The following MACROD2 variants were observed in gnomAD, a reference collection of about 807,000 sequenced individuals.
MACROD2 encodes the protein mono-ADP ribosylhydrolase 2, also known as ADP-ribose glycohydrolase MACROD2.
A neutral mutation model predicts 70.4 loss-of-function variants in MACROD2; 36 were observed. The ratio of observed to expected loss-of-function variants is 0.51; its 90% CI spans 0.39 to 0.68. MACROD2 has a LOEUF of 0.68. Ranked by LOEUF, MACROD2 falls within the 30% of genes least tolerant of loss-of-function variation. The pLI, the probability that MACROD2 is intolerant of heterozygous loss-of-function variation, is 0.00. For synonymous variants in MACROD2, 172 were observed against 178.8 expected (o/e 0.96, Z 0.30); for missense variants, 496 against 538.4 (o/e 0.92, Z 0.78).
chr20:14,297,573 C>T (rs904368593), intron 3 of MACROD2, among the ~76,000 whole-genome samples: 3 of 151,964 alleles, frequency 2.0e-5, no homozygotes, highest in Admixed American at 6.6e-5. Context: ...AAAGCTACAA[C>T]TCTTCAGTTC....
At chr20:14,844,663 G>C (rs181720101) in intron 5 of MACROD2, among the ~76,000 whole-genome samples, 7 of 152,076 alleles carry the variant, frequency 4.6e-5, no homozygotes, top group Admixed American at 3.3e-4. Flanking sequence ...AGACAAAAGG[G>C]GTACTTCTTT....
chr20:15,038,326 G>T (rs1201739778), intron 5 of MACROD2, among the ~76,000 whole-genome samples: 1 of 152,124 alleles, frequency 6.6e-6, no homozygotes, highest in Non-Finnish European at 1.5e-5. Flanking sequence ...TTCAAGAAAA[G>T]AATATGGAGT....
At chr20:15,462,003 T>G (rs187817284) in intron 7 of MACROD2, among the ~76,000 whole-genome samples, 162 of 152,308 alleles carry the variant, frequency 1.1e-3, no homozygotes, top group African/African-American at 3.8e-3. Context: ...TTAAACATAC[T>G]CACAACTGGT....
intron 3 of MACROD2, among the ~76,000 whole-genome samples, chr20:14,443,911 T>C (rs1226430359): frequency 6.6e-6 from 1 of 152,164 alleles, no homozygotes; most frequent in African/African-American, 2.4e-5. Context: ...GCACATTGCC[T>C]AGCACACAGT....
At chr20:14,612,762 T>G (rs930021563) in intron 4 of MACROD2, among the ~76,000 whole-genome samples, 1 of 151,980 alleles carries the variant, frequency 6.6e-6, no homozygotes, top group Non-Finnish European at 1.5e-5. Flanking sequence ...TTATGGTGAG[T>G]TTTTAAACAT....
chr20:14,948,538 C>T (rs962747347), intron 5 of MACROD2, among the ~76,000 whole-genome samples: 5 of 152,252 alleles, frequency 3.3e-5, no homozygotes, highest in Admixed American at 6.5e-5. Flanking sequence ...GATGCTCATA[C>T]AGCAACTCTA....
At chr20:16,043,308 G>A (rs1037807238) in intron 16 of MACROD2, among the ~76,000 whole-genome samples, 2 of 152,038 alleles carry the variant, frequency 1.3e-5, no homozygotes, top group African/African-American at 2.4e-5. Context: ...AAATAGGGAC[G>A]CTGACAGTCA....
At position 14,107,720 on chromosome 20, in the gene MACROD2, AGAATGGTAT is replaced by A. The variant is rs1373825189; in HGVS notation, c.271+21995_271+22003del. ...CAGTGGAAACCCTGCATGCCAGGAG[AGAATGGTAT>A]GACATATTTCAAATCTGATGGAAAA... On this transcript the variant is annotated intron_variant, in intron 3 of 17. Transcript: ENST00000684519. Among the ~76,000 whole-genome samples the A allele has an allele frequency of 5.3e-5, 8 of 152,264 alleles. No homozygotes were observed. The East Asian group carries it at 1.5e-3, about 29-fold the overall frequency.
intron 5 of MACROD2, among the ~76,000 whole-genome samples, chr20:14,727,522 G>A (rs370046734): frequency 6.6e-6 from 1 of 152,098 alleles, no homozygotes; most frequent in Non-Finnish European, 1.5e-5. Flanking sequence ...GCAATGGAGT[G>A]AGACCCTGTC....
chr20:14,854,324 G>T (rs2122326626), intron 5 of MACROD2, among the ~76,000 whole-genome samples: 1 of 152,232 alleles, frequency 6.6e-6, no homozygotes, highest in Middle Eastern at 3.4e-3. Flanking sequence ...TCTTGAATTT[G>T]CTTTATAAAA....
chr20:14,405,646 C>T (rs2083683816), intron 3 of MACROD2, among the ~76,000 whole-genome samples: 1 of 152,122 alleles, frequency 6.6e-6, no homozygotes, highest in Non-Finnish European at 1.5e-5. Context: ...TCTAAATGTG[C>T]AGAAAGCTGG....
At chr20:15,886,157 T>A (rs2064819401) in intron 10 of MACROD2, among the ~76,000 whole-genome samples, 1 of 152,152 alleles carries the variant, frequency 6.6e-6, no homozygotes. Flanking sequence ...ATCATCCTGT[T>A]CACAAGGTTT....
In MACROD2 at chr20:14,956,219, T is replaced by C. The variant is rs184364370; in HGVS notation, c.418+271260T>C. On this transcript the variant is annotated intron_variant, in intron 5 of 17. Transcript: ENST00000684519. The stretch of plus-strand genomic sequence containing the variant: ...ACCTAGTGCTTACCTCTGAGGTTTA[T>C]TTAACATGGCAGGTGGTGACGAACT... 3.7e-4 allele frequency among the ~76,000 whole-genome samples: 57 copies of C among 152,312 alleles called. 1 individual carries two copies. The highest frequency in any genetic ancestry group is 3.7e-3 in the East Asian group (19 of 5,180).
At chr20:15,893,681 C>T (rs758105082) in intron 10 of MACROD2, 1 of 456,618 alleles carries the variant, frequency 2.2e-6, no homozygotes, top group South Asian at 1.5e-5. Flanking sequence ...AGCCCAAAGA[C>T]CCAGAAGCGA....
chr20:14,353,598 A>G (rs2083144945), intron 3 of MACROD2, among the ~76,000 whole-genome samples: 1 of 152,160 alleles, frequency 6.6e-6, no homozygotes, highest in Non-Finnish European at 1.5e-5. Flanking sequence ...GAAAGCTATC[A>G]ATCACCTCAT....
chr20:14,418,764 A>T (rs1208496586), intron 3 of MACROD2, among the ~76,000 whole-genome samples: 2 of 152,174 alleles, frequency 1.3e-5, no homozygotes, highest in African/African-American at 4.8e-5. Context: ...TTCAGAAGAG[A>T]TGTTTTAGAA....
intron 4 of MACROD2, among the ~76,000 whole-genome samples, chr20:14,656,834 G>A (rs1379217559): frequency 6.6e-6 from 1 of 152,094 alleles, no homozygotes; most frequent in Non-Finnish European, 1.5e-5. Flanking sequence ...ATTGATGTCT[G>A]TCCTCTATTT....
chr20:15,989,548 A>G (rs1390923237), intron 15 of MACROD2, among the ~76,000 whole-genome samples: 1 of 152,166 alleles, frequency 6.6e-6, no homozygotes, highest in African/African-American at 2.4e-5. Flanking sequence ...ATAGATCCAC[A>G]AAAGAAAACT....
rs1015063472 is a variant in MACROD2, at chr20:14,916,034, TA to T, written c.418+231077del. Among the ~76,000 whole-genome samples, 108 of 152,318 alleles carry T rather than the reference TA, an allele frequency of 7.1e-4. 1 individual carries two copies. Among genetic ancestry groups the T allele is most frequent in the African/African-American group, 2.5e-3 (106 of 41,576 alleles). On this transcript the variant is annotated intron_variant, in intron 5 of 17. Transcript: ENST00000684519. ...CTCACAGGGAAATGGGTGCCCCATT[TA>T]ATGGCATTGTTTATTCTCACAGAGA...
Sources: allele counts gnomAD v4.1 joint callset (sites outside exome capture counted in the v4.1 genomes callset), GRCh38; gene constraint gnomAD v4.1.1; transcripts MANE v1.5; gene names NCBI Gene and HGNC (gene_info 2026-07-23, HGNC 2026-07-21).